DAG1: variants seen among roughly 807,000 people sequenced by gnomAD.
The protein encoded by DAG1 is dystroglycan 1 (dystrophin-associated glycoprotein 1).
Under a neutral mutation model 46.1 loss-of-function variants are expected in DAG1, and 8 were observed. The observed-to-expected ratio is 0.17, with a 90% CI of 0.10 to 0.31. DAG1 has a LOEUF of 0.31. Ranked by LOEUF, DAG1 falls within the 10% of genes least tolerant of loss-of-function variation. The pLI is 1.00. For synonymous variants in DAG1, 495 were observed against 481.8 expected (o/e 1.03, Z -0.36); for missense variants, 1,003 against 1,189.9 (o/e 0.84, Z 2.31).
chr3:49,526,542 C>CT (rs2051176578), intron 2 of DAG1, among the ~76,000 whole-genome samples: 1 of 151,696 alleles, frequency 6.6e-6, no homozygotes, highest in African/African-American at 2.4e-5. Flanking sequence ...AATCCCATCT[C>CT]TAAAAAAAGA....
chr3:49,510,220 A>G (rs2050724902), intron 1 of DAG1, 199 bp from the exon 2 acceptor site: 3 of 512,322 alleles, frequency 5.9e-6, no homozygotes, highest in African/African-American at 3.8e-5. Context: ...TCCAGTGTAT[A>G]TTTTATATTT....
rs766324183 is a variant in DAG1 at position 49,510,806 on chromosome 3, G to A, written c.272G>A (p.Gly91Glu). Residue 91 changes from glycine to glutamate, a missense_variant, in exon 2 of 3, where the codon GGA becomes GAA. Around this residue, in one of 3 missense-constraint regions of DAG1, gnomAD observed 196 missense variants for 239.1 expected, o/e 0.82. Transcript: ENST00000308775. Reference sequence around the variant, plus strand: ...CCAACAGATTTGATTGCCTCCAGTGGAGATATCATCAAGGTGAGACTGGAT... The same window carrying A: ...CCAACAGATTTGATTGCCTCCAGTGAAGATATCATCAAGGTGAGACTGGAT... ...TIPTDLIASS[G>E]DIIKVSAAGK... 6.2e-7 allele frequency: 1 copy of A among 1,614,188 alleles called. No individual in the cohort carries two copies. The highest frequency in any genetic ancestry group is 1.1e-5 in the South Asian group (1 of 91,074).
intron 1 of DAG1, among the ~76,000 whole-genome samples, chr3:49,494,453 A>G (rs1351236659): frequency 1.3e-5 from 2 of 152,076 alleles, no homozygotes; most frequent in Admixed American, 1.3e-4. Flanking sequence ...CAGAAAGGCC[A>G]CCAGCCAGCA....
At chr3:49,471,521 T>G (rs1575327618) in intron 1 of DAG1, among the ~76,000 whole-genome samples, 1 of 151,886 alleles carries the variant, frequency 6.6e-6, no homozygotes, top group East Asian at 1.9e-4. Context: ...TGGAGAAGTT[T>G]AGTTGAACTT....
At chr3:49,487,230 A>T (rs577400159) in intron 1 of DAG1, 3 of 152,028 alleles carry the variant, frequency 2.0e-5, no homozygotes, top group African/African-American at 4.8e-5. Flanking sequence ...TTTTGTAGAG[A>T]TGGGGTTCTT....
At chr3:49,474,102 T>G (rs760937441) in intron 1 of DAG1, among the ~76,000 whole-genome samples, 3 of 152,126 alleles carry the variant, frequency 2.0e-5, no homozygotes, top group Non-Finnish European at 4.4e-5. Flanking sequence ...TTGCCGAAGC[T>G]GGAGTGCAGT....
At chr3:49,492,563 A>T (rs548413909) in intron 1 of DAG1, among the ~76,000 whole-genome samples, 1 of 152,102 alleles carries the variant, frequency 6.6e-6, no homozygotes, top group Non-Finnish European at 1.5e-5. Flanking sequence ...AGGAGGATCA[A>T]TTGAGCCTGG....
intron 1 of DAG1, among the ~76,000 whole-genome samples, chr3:49,503,431 CT>C (rs1288755055): frequency 6.6e-6 from 1 of 152,142 alleles, no homozygotes; most frequent in Non-Finnish European, 1.5e-5. Context: ...TTTTAGGTTG[CT>C]TGATATTTTT....
chr3:49,479,199 C>G (rs934712850), intron 1 of DAG1, among the ~76,000 whole-genome samples: 1 of 152,114 alleles, frequency 6.6e-6, no homozygotes, highest in Non-Finnish European at 1.5e-5. Flanking sequence ...TTCCTTCCAT[C>G]TATCCCCTCA....
chr3:49,471,851 T>C (rs1285379569), intron 1 of DAG1, among the ~76,000 whole-genome samples: 1 of 152,176 alleles, frequency 6.6e-6, no homozygotes, highest in Middle Eastern at 3.2e-3. Flanking sequence ...TAGGGGGCAG[T>C]GGGGACCAGG....
At chr3:49,496,304 G>T (rs1411784690) in intron 1 of DAG1, among the ~76,000 whole-genome samples, 1 of 151,678 alleles carries the variant, frequency 6.6e-6, no homozygotes, top group Non-Finnish European at 1.5e-5. Context: ...CAAGTAGCTG[G>T]GACTACAGGT....
At position 49,533,239 on chromosome 3, in the gene DAG1, C is replaced by T; in HGVS notation, c.*40C>T. 6.2e-7 allele frequency: 1 copy of T among 1,603,438 alleles called. No homozygotes were observed. ...GGTGGAGGCAGGGTAGGGCAGGGGC[C>T]TGGAGACGACATGGTGTTGTCTGTG... is the stretch of plus-strand genomic sequence containing the variant. On this transcript the variant is annotated 3_prime_UTR_variant, in exon 3 of 3. Transcript: ENST00000308775.
chr3:49,481,274 G>A (rs967973966), intron 1 of DAG1, among the ~76,000 whole-genome samples: 1 of 150,394 alleles, frequency 6.6e-6, no homozygotes, highest in African/African-American at 2.4e-5. Flanking sequence ...TTAGGCGCCT[G>A]TAGTCCCAGC....
intron 2 of DAG1, among the ~76,000 whole-genome samples, chr3:49,529,133 G>A (rs2051273677): frequency 6.6e-6 from 1 of 152,156 alleles, no homozygotes; most frequent in African/African-American, 2.4e-5. Context: ...TTACAGGGGT[G>A]AGCCACCATG....
rs2051461705 is a variant in DAG1, at chr3:49,534,673, A to G, written c.*1474A>G. On this transcript the variant is annotated 3_prime_UTR_variant, in exon 3 of 3. Coordinates refer to ENST00000308775, the MANE Select transcript of DAG1 (RefSeq NM_004393.6). ...CTGGGGTTCTTTTGCCTTTTTTAGCAGAACATCCGTCCGTCCATCTGCATC... is the reference window on the plus strand; with the variant it reads ...CTGGGGTTCTTTTGCCTTTTTTAGCGGAACATCCGTCCGTCCATCTGCATC... 6.6e-6 allele frequency: 1 copy of G among 152,612 alleles called. No homozygotes were observed. Among genetic ancestry groups the G allele is most frequent in the South Asian group, 2.1e-4 (1 of 4,832 alleles). 9.5% of individuals were successfully genotyped at this position (152,612 alleles called of 1,614,324 possible).
At chr3:49,496,166 T>G (rs1270412443) in intron 1 of DAG1, among the ~76,000 whole-genome samples, 37 of 152,018 alleles carry the variant, frequency 2.4e-4, no homozygotes, top group Non-Finnish European at 4.4e-5. Flanking sequence ...TGGCAAAATA[T>G]ACATAACATA....
chr3:49,501,247 T>A (rs1482578880), intron 1 of DAG1, among the ~76,000 whole-genome samples: 2 of 152,168 alleles, frequency 1.3e-5, no homozygotes, highest in Non-Finnish European at 2.9e-5. Flanking sequence ...ACTGACTGTT[T>A]TTAAATAAGC....
chr3:49,531,722 CGAT>C lies in DAG1; in HGVS notation c.1214_1216del (p.Met405del). On this transcript the variant is annotated inframe_deletion, in exon 3 of 3. Transcript: ENST00000308775. This position sits in a 1 kb window ranked among gnomAD's most constrained non-coding sequence, Gnocchi z 7.0. ...ACAGTTCCTGGCCAGATTCGCCCAA[CGAT>C]GACCATTCCTGGCTATGTGGAGCCT... The C allele has an allele frequency of 1.9e-6, 3 of 1,614,136 alleles. No homozygotes were observed. The highest frequency in any genetic ancestry group is 1.7e-6 in the Non-Finnish European group (2 of 1,180,012).
intron 2 of DAG1, among the ~76,000 whole-genome samples, chr3:49,524,379 A>G (rs1046289583): frequency 6.6e-6 from 1 of 152,204 alleles, no homozygotes; most frequent in African/African-American, 2.4e-5. Flanking sequence ...TAGCCCTTCT[A>G]TTAAAATGAA....
Sources: gnomAD v4.1 joint callset for allele counts (sites outside exome capture counted in the v4.1 genomes callset) on GRCh38, gnomAD v4.1.1 for gene constraint, gnomAD v4.1.1 regional missense constraint, Gnocchi (gnomAD v3.1) non-coding constraint, MANE v1.5 for transcripts, NCBI Gene and HGNC (gene_info 2026-07-23, HGNC 2026-07-21) for gene names.